The following SKI variants were observed in gnomAD, a reference collection of about 807,000 sequenced individuals.
The protein encoded by SKI is SKI proto-oncogene.
A neutral mutation model predicts 59.3 loss-of-function variants in SKI; 23 were observed. The ratio of observed to expected loss-of-function variants is 0.39; its 90% CI spans 0.28 to 0.55. SKI has a LOEUF of 0.55. Among genes scored for constraint, SKI ranks in the 20% least tolerant of loss-of-function variants. The pLI, the probability that SKI is intolerant of heterozygous loss-of-function variation, is 0.67. For synonymous variants in SKI, 673 were observed against 488.6 expected, an observed-to-expected ratio of 1.38 and a Z score of -4.98; for missense variants, 1,017 against 1,038.9, an observed-to-expected ratio of 0.98 and a Z score of 0.29.
Position 2,306,607 on chromosome 1 carries a change from G to C in SKI, c.2029G>C (p.Ala677Pro). 6.5e-7 allele frequency: 1 copy of C among 1,544,294 alleles called. No homozygotes were observed. The highest frequency in any genetic ancestry group is 8.7e-7 in the Non-Finnish European group (1 of 1,145,580). Residue 677 changes from alanine (A) to proline (P), a missense_variant, in exon 7 of 7, where the codon GCG becomes CCG. Physicochemically the swap from Ala to Pro is conservative, Grantham distance 27. Transcript: ENST00000378536. The stretch of plus-strand genomic sequence containing the variant: ...AGACCTGCAGGTGAAGCTGCAGCAC[G>C]CGGAGGCGGACCGGGAGCAGCTGCG... ...IEDLQVKLQH[A>P]EADREQLRAD...
At position 2,263,385 on chromosome 1, in the gene SKI, A is replaced by G. The variant is rs1030739316; in HGVS notation, c.969+33650A>G. 1.4e-4 allele frequency among the ~76,000 whole-genome samples: 22 copies of G among 151,760 alleles called. No homozygotes were observed. In the East Asian group the frequency reaches 4.1e-3, roughly 28 times the overall value. On this transcript the variant is annotated intron_variant, in intron 1 of 6. Transcript: ENST00000378536. Reference sequence around the variant, plus strand: ...TCCAAGTAGTAGGGATTACAGGCGCATGCCACTGTGCCTGGCTAATTTTTG... The same window carrying G: ...TCCAAGTAGTAGGGATTACAGGCGCGTGCCACTGTGCCTGGCTAATTTTTG...
intron 1 of SKI, among the ~76,000 whole-genome samples, chr1:2,280,399 AGCCCCTTCTCACAAGGGGGCT>A (rs1639847553): frequency 6.6e-6 from 1 of 151,054 alleles, no homozygotes; most frequent in Non-Finnish European, 1.5e-5. Context: ...GTCTGACCAC[AGCCCCTTCTCACAAGGGGGCT>A]GCCCCTTCTA....
intron 1 of SKI, among the ~76,000 whole-genome samples, chr1:2,285,605 C>T (rs1329845547): frequency 6.7e-6 from 1 of 150,158 alleles, no homozygotes; most frequent in African/African-American, 2.5e-5. Context: ...TGCTCTGTCA[C>T]CCAGGCTGGA....
At chr1:2,231,221 A>G (rs988123755) in intron 1 of SKI, among the ~76,000 whole-genome samples, 2 of 152,126 alleles carry the variant, frequency 1.3e-5, no homozygotes, top group Middle Eastern at 6.8e-3. Context: ...AGGAAGCCAC[A>G]TGTCGGGGGG....
chr1:2,237,552 C>G (rs1638777740), intron 1 of SKI, among the ~76,000 whole-genome samples: 1 of 152,244 alleles, frequency 6.6e-6, no homozygotes, highest in South Asian at 2.1e-4. Context: ...GGTTGGGGTG[C>G]TGCCTGCTGG....
In SKI at chr1:2,306,604, C is replaced by T. The variant is rs1376096484; in HGVS notation, c.2026C>T (p.His676Tyr). ...QIEDLQVKLQ[H>Y]AEADREQLRA... The stretch of plus-strand genomic sequence containing the variant: ...CGAAGACCTGCAGGTGAAGCTGCAG[C>T]ACGCGGAGGCGGACCGGGAGCAGCT... The change falls in exon 7 of 7, where the codon CAC becomes TAC. Residue 676 changes from histidine (H) to tyrosine (Y), a missense_variant. Physicochemically the swap from His to Tyr is moderately conservative, Grantham distance 83. Coordinates refer to ENST00000378536, the MANE Select transcript of SKI (RefSeq NM_003036.4). 1.0e-5 allele frequency: 16 copies of T among 1,543,848 alleles called. No homozygotes were observed. The highest frequency in any genetic ancestry group is 1.4e-5 in the African/African-American group (1 of 72,740).
At chr1:2,245,787 T>C (rs1415638393) in intron 1 of SKI, among the ~76,000 whole-genome samples, 2 of 134,840 alleles carry the variant, frequency 1.5e-5, no homozygotes, top group Non-Finnish European at 3.1e-5. Context: ...TATTTTTCCT[T>C]CTTTTTTTTT....
At chr1:2,284,332 C>T (rs1392782818) in intron 1 of SKI, among the ~76,000 whole-genome samples, 1 of 152,222 alleles carries the variant, frequency 6.6e-6, no homozygotes, top group East Asian at 1.9e-4. Flanking sequence ...CCCGAGGCGG[C>T]CTGAGAAGAG....
chr1:2,302,798 C>A (rs746160538), intron 1 of SKI, among the ~76,000 whole-genome samples, 180 bp from the exon 2 acceptor site: 16 of 152,208 alleles, frequency 1.1e-4, no homozygotes, highest in Non-Finnish European at 2.2e-4. Context: ...GCCTAAGGGC[C>A]TTTATGCAAA....
At chr1:2,275,142 C>A (rs1402004348) in intron 1 of SKI, among the ~76,000 whole-genome samples, 1 of 152,246 alleles carries the variant, frequency 6.6e-6, no homozygotes, top group Non-Finnish European at 1.5e-5. Context: ...AGAGGAGCTT[C>A]TAGAGATGGT....
At chr1:2,274,499 G>A (rs1390780035) in intron 1 of SKI, among the ~76,000 whole-genome samples, 2 of 152,330 alleles carry the variant, frequency 1.3e-5, no homozygotes, top group Non-Finnish European at 2.9e-5. Context: ...TGTCCTGGTC[G>A]TGGCCGCGTG....
chr1:2,286,915 A>G (rs1489876060), intron 1 of SKI, among the ~76,000 whole-genome samples: 3 of 152,256 alleles, frequency 2.0e-5, no homozygotes, highest in African/African-American at 7.2e-5. Context: ...CTTTGCTTAT[A>G]AAAGAACATC....
intron 1 of SKI, among the ~76,000 whole-genome samples, chr1:2,294,970 A>AT (rs1640250545): frequency 6.6e-6 from 1 of 152,220 alleles, no homozygotes; most frequent in South Asian, 2.1e-4. Context: ...GCTCTGTGGG[A>AT]TGCCCCTGGT....
At chr1:2,301,153 C>T (rs1223808182) in intron 1 of SKI, among the ~76,000 whole-genome samples, 1 of 152,210 alleles carries the variant, frequency 6.6e-6, no homozygotes, top group Non-Finnish European at 1.5e-5. Context: ...CCTTCTGTGC[C>T]TCTCGGGAGG....
intron 1 of SKI, among the ~76,000 whole-genome samples, chr1:2,296,063 C>T (rs1640277546): frequency 6.6e-6 from 1 of 151,830 alleles, no homozygotes; most frequent in Non-Finnish European, 1.5e-5. Context: ...TCCTGTGTCT[C>T]CATGTCATCA....
At chr1:2,258,345 C>T (rs540503250) in intron 1 of SKI, among the ~76,000 whole-genome samples, 20 of 152,098 alleles carry the variant, frequency 1.3e-4, no homozygotes, top group African/African-American at 4.1e-4. Context: ...ATGCCGAGGC[C>T]GAATCGCCCC....
chr1:2,271,924 G>C (rs897561511), intron 1 of SKI, among the ~76,000 whole-genome samples: 2 of 152,186 alleles, frequency 1.3e-5, no homozygotes, highest in African/African-American at 4.8e-5. Flanking sequence ...GTCCTGGCCC[G>C]TGGATGGCTG....
intron 1 of SKI, among the ~76,000 whole-genome samples, chr1:2,265,925 G>A (rs772841668): frequency 6.6e-6 from 1 of 151,994 alleles, no homozygotes; most frequent in Non-Finnish European, 1.5e-5. Flanking sequence ...CTTCAATCGC[G>A]CCACTGCACT....
Position 2,306,699 on chromosome 1 carries a change from A to G in SKI, c.2121A>G (p.Glu707=). ...HLEKVVKELQ[E]QLWPRARPEA... ...AGAAGGTGGTGAAGGAGCTGCAGGA[A>G]CAGCTGTGGCCGCGGGCCCGCCCCG... The change falls in exon 7 of 7, where the codon GAA becomes GAG. Residue 707 remains glutamate, a synonymous_variant. Coordinates refer to ENST00000378536, the MANE Select transcript of SKI (RefSeq NM_003036.4). 6.5e-7 allele frequency: 1 copy of G among 1,542,662 alleles called. No individual in the cohort carries two copies. Among genetic ancestry groups the G allele is most frequent in the Non-Finnish European group, 8.7e-7 (1 of 1,144,522 alleles).
Sources: allele counts gnomAD v4.1 joint callset (sites outside exome capture counted in the v4.1 genomes callset), GRCh38; gene constraint gnomAD v4.1.1; transcripts MANE v1.5; gene names NCBI Gene and HGNC (gene_info 2026-07-23, HGNC 2026-07-21).